Variants in CCSER1 observed in about 807,000 individuals in gnomAD.
The protein encoded by CCSER1 is serine-rich coiled-coil domain-containing protein 1.
CCSER1 carries 41 observed loss-of-function variants against 82.0 expected under a neutral mutation model. The ratio of observed to expected loss-of-function variants is 0.50; its 90% CI spans 0.39 to 0.65. CCSER1 has a LOEUF of 0.65. CCSER1 is among the 30% of genes least tolerant of loss of function. The pLI is 0.00. For missense variants in CCSER1, 1,119 were observed against 1,064.2 expected, an observed-to-expected ratio of 1.05 and a Z score of -0.72; for synonymous variants, 414 against 383.9, an observed-to-expected ratio of 1.08 and a Z score of -0.92.
intron 1 of CCSER1, among the ~76,000 whole-genome samples, chr4:90,280,001 A>G (rs1728584638): frequency 6.6e-6 from 1 of 152,100 alleles, no homozygotes; most frequent in Non-Finnish European, 1.5e-5. Context: ...GATAGGAGTT[A>G]AGGGATCTCG....
intron 10 of CCSER1, among the ~76,000 whole-genome samples, chr4:91,464,849 A>G (rs1235803094): frequency 6.6e-6 from 1 of 152,224 alleles, no homozygotes; most frequent in Non-Finnish European, 1.5e-5. Flanking sequence ...ACCCAGATTC[A>G]TAAAGCAAGT....
chr4:90,304,883 G>A (rs914251765), intron 1 of CCSER1, among the ~76,000 whole-genome samples: 6 of 151,650 alleles, frequency 4.0e-5, no homozygotes, highest in Non-Finnish European at 5.9e-5. Flanking sequence ...AAGAGTTATG[G>A]GACTGACTCT....
At chr4:90,806,861 C>T (rs899766171) in intron 7 of CCSER1, among the ~76,000 whole-genome samples, 21 of 135,452 alleles carry the variant, frequency 1.6e-4, no homozygotes, top group Non-Finnish European at 1.4e-4. Flanking sequence ...ATCCTGAATC[C>T]TCTTCTTTTT....
chr4:90,608,834 G>A (rs1785085461), intron 5 of CCSER1, among the ~76,000 whole-genome samples: 1 of 151,936 alleles, frequency 6.6e-6, no homozygotes, highest in Non-Finnish European at 1.5e-5. Context: ...GGTTTCAAAT[G>A]TGGCCATTCT....
rs143484305 is a variant in CCSER1, at chr4:90,523,736, A to G, written c.1724+55382A>G. On this transcript the variant is annotated intron_variant, in intron 5 of 10. Transcript: ENST00000509176. ...CATCTGGAAAGATGATTTTCATGAT[A>G]CTCCAAACTATAAATGATAGTAGAC... Among the ~76,000 whole-genome samples, 1,226 of 152,208 alleles carry G rather than the reference A, an allele frequency of 8.1e-3. 9 individuals are homozygous for G. Among genetic ancestry groups the G allele is most frequent in the South Asian group, 0.023 (112 of 4,828 alleles).
intron 10 of CCSER1, among the ~76,000 whole-genome samples, chr4:91,507,555 T>C (rs558537115): frequency 6.6e-6 from 1 of 152,032 alleles, no homozygotes; most frequent in Admixed American, 6.6e-5. Context: ...CTACGTATCA[T>C]TTTTGAGGAA....
intron 9 of CCSER1, among the ~76,000 whole-genome samples, chr4:91,049,603 G>A (rs1162815303): frequency 6.6e-6 from 1 of 152,154 alleles, no homozygotes; most frequent in Non-Finnish European, 1.5e-5. Flanking sequence ...CAAAACTGAG[G>A]CAGATACATA....
chr4:90,669,306 T>A (rs1455708405), intron 6 of CCSER1, among the ~76,000 whole-genome samples: 3 of 152,076 alleles, frequency 2.0e-5, no homozygotes, highest in Non-Finnish European at 4.4e-5. Context: ...TGGTCTCATA[T>A]TAATCTAAAA....
intron 9 of CCSER1, among the ~76,000 whole-genome samples, chr4:91,023,840 G>C (rs1323754684): frequency 1.3e-5 from 2 of 152,168 alleles, no homozygotes; most frequent in Non-Finnish European, 2.9e-5. Context: ...GTTTCTCAGA[G>C]TGTGACCCAC....
chr4:91,225,258 G>GT (rs1382199491), intron 10 of CCSER1, among the ~76,000 whole-genome samples: 4 of 130,584 alleles, frequency 3.1e-5, no homozygotes, highest in African/African-American at 1.1e-4. Flanking sequence ...ACATATACAT[G>GT]TATATAATTA....
chr4:90,611,832 C>T (rs565404262), intron 5 of CCSER1, among the ~76,000 whole-genome samples: 151 of 149,128 alleles, frequency 1.0e-3, no homozygotes, highest in African/African-American at 3.6e-3. Flanking sequence ...TTTCTGTTAT[C>T]CTCAAAATAA....
intron 6 of CCSER1, among the ~76,000 whole-genome samples, chr4:90,708,991 A>G (rs1299810955): frequency 2.0e-5 from 3 of 152,186 alleles, no homozygotes; most frequent in Non-Finnish European, 4.4e-5. Flanking sequence ...CTGAGACTTT[A>G]TAACTCTACA....
intron 9 of CCSER1, among the ~76,000 whole-genome samples, chr4:90,956,679 A>C (rs960356180): frequency 4.6e-5 from 7 of 152,128 alleles, no homozygotes; most frequent in Non-Finnish European, 8.8e-5. Context: ...ACACTTTAAG[A>C]AGTGCTATGT....
chr4:91,227,868 C>G (rs1387354189), intron 10 of CCSER1, among the ~76,000 whole-genome samples: 1 of 151,922 alleles, frequency 6.6e-6, no homozygotes, highest in African/African-American at 2.4e-5. Flanking sequence ...GAAAAAATAT[C>G]TCAATTGCCT....
intron 1 of CCSER1, among the ~76,000 whole-genome samples, chr4:90,150,969 T>C (rs1726731463): frequency 6.6e-6 from 1 of 152,138 alleles, no homozygotes. Flanking sequence ...ATTGTTATTT[T>C]TTTTTCCTCC....
chr4:91,250,203 C>T (rs536487218), intron 10 of CCSER1, among the ~76,000 whole-genome samples: 2 of 151,960 alleles, frequency 1.3e-5, no homozygotes, highest in East Asian at 1.9e-4. Context: ...CAGATTATTT[C>T]TATCATCTGT....
chr4:91,285,834 G>A (rs1743235568), intron 10 of CCSER1, among the ~76,000 whole-genome samples: 1 of 151,784 alleles, frequency 6.6e-6, no homozygotes, highest in Non-Finnish European at 1.5e-5. Flanking sequence ...AAGTTGTTAT[G>A]TAGAAGGAAT....
chr4:90,196,233 A>G (rs975490683), intron 1 of CCSER1, among the ~76,000 whole-genome samples: 1 of 151,996 alleles, frequency 6.6e-6, no homozygotes, highest in East Asian at 1.9e-4. Flanking sequence ...AATGCCAGCA[A>G]TCCTCCACTG....
At chr4:90,244,088 T>G (rs975316059) in intron 1 of CCSER1, among the ~76,000 whole-genome samples, 1 of 152,344 alleles carries the variant, frequency 6.6e-6, no homozygotes, top group African/African-American at 2.4e-5. Flanking sequence ...TTTATCATAC[T>G]TTTCCAATTA....
Sources: gnomAD v4.1 joint callset for allele counts (sites outside exome capture counted in the v4.1 genomes callset) on GRCh38, gnomAD v4.1.1 for gene constraint, MANE v1.5 for transcripts, NCBI Gene and HGNC (gene_info 2026-07-23, HGNC 2026-07-21) for gene names.